NME7: variants seen among roughly 807,000 people sequenced by gnomAD.
NME7 encodes NME/NM23 family member 7, also known as nucleoside diphosphate kinase 7.
A neutral mutation model predicts 49.1 loss-of-function variants in NME7; 41 were observed. The ratio of observed to expected loss-of-function variants is 0.83; its 90% CI spans 0.65 to 1.08. The LOEUF (loss-of-function observed/expected upper bound fraction) is 1.08. Among genes scored for constraint, NME7 ranks in the 50% least tolerant of loss-of-function variants. NME7 has a pLI of 0.00. For missense variants in NME7, 423 were observed against 463.4 expected (o/e 0.91, Z 0.80); for synonymous variants, 139 against 150.6 (o/e 0.92, Z 0.56).
intron 10 of NME7, among the ~76,000 whole-genome samples, chr1:169,200,203 A>G (rs139503490): frequency 6.6e-6 from 1 of 152,212 alleles, no homozygotes; most frequent in Non-Finnish European, 1.5e-5. Context: ...CGTGATAAGC[A>G]ATACTCAATA....
At chr1:169,355,192 G>T (rs1309849642) in intron 1 of NME7, among the ~76,000 whole-genome samples, 28 of 25,510 alleles carry the variant, frequency 1.1e-3, no homozygotes, top group African/African-American at 3.4e-3. Context: ...ATATATTATA[G>T]ATATAATATA....
chr1:169,178,722 G>A (rs1208460452), intron 10 of NME7, among the ~76,000 whole-genome samples: 2 of 151,572 alleles, frequency 1.3e-5, no homozygotes, highest in Non-Finnish European at 2.9e-5. Flanking sequence ...CACTTAGTAA[G>A]TACCTTTTTG....
intron 1 of NME7, among the ~76,000 whole-genome samples, chr1:169,328,401 T>C (rs1430320643): frequency 1.3e-5 from 2 of 152,216 alleles, no homozygotes; most frequent in Non-Finnish European, 2.9e-5. Flanking sequence ...TGGTGGCTTA[T>C]AGGTCCACCT....
intron 10 of NME7, among the ~76,000 whole-genome samples, chr1:169,172,984 A>G (rs1361994559): frequency 6.6e-6 from 1 of 152,228 alleles, no homozygotes; most frequent in Non-Finnish European, 1.5e-5. Context: ...ATGAACACAC[A>G]GTAAATGTTT....
chr1:169,253,795 G>A (rs1648759115), intron 7 of NME7, among the ~76,000 whole-genome samples: 1 of 151,544 alleles, frequency 6.6e-6, no homozygotes. Context: ...TTTGTCAAAG[G>A]CTTTTTCTGC....
rs74474196 is a variant in NME7, at chr1:169,321,243, C to A, written c.278+1874G>T. On this transcript the variant is annotated intron_variant, in intron 3 of 11. Coordinates refer to ENST00000367811, the MANE Select transcript of NME7 (RefSeq NM_013330.5). ...GGAATAGTGGTGCATGGCTGTAGTTCCAGCTACCTGGGAGGCTTAGATGGG... is the reference window on the plus strand; with the variant it reads ...GGAATAGTGGTGCATGGCTGTAGTTACAGCTACCTGGGAGGCTTAGATGGG... 9.1e-3 allele frequency among the ~76,000 whole-genome samples: 1,387 copies of A among 152,190 alleles called. 32 individuals are homozygous for A. Among genetic ancestry groups the A allele is most frequent in the African/African-American group, 0.032 (1,327 of 41,508 alleles).
intron 11 of NME7, among the ~76,000 whole-genome samples, chr1:169,164,044 A>G (rs149279269): frequency 4.0e-5 from 6 of 150,758 alleles, no homozygotes; most frequent in Middle Eastern, 6.8e-3. Context: ...CGGGAAGCAG[A>G]GGTTGCAGTG....
At chr1:169,138,139 C>T (rs7520186) in intron 11 of NME7, among the ~76,000 whole-genome samples, 49,035 of 151,220 alleles carry the variant, frequency 0.32, 8,426 homozygotes, top group Non-Finnish European at 0.4. Flanking sequence ...GGCGAAACCT[C>T]GTTTCTACTA....
chr1:169,173,008 T>C (rs1659649132), intron 10 of NME7, among the ~76,000 whole-genome samples: 1 of 152,228 alleles, frequency 6.6e-6, no homozygotes, highest in East Asian at 1.9e-4. Flanking sequence ...AAATATTTGT[T>C]GACTGATATA....
intron 9 of NME7, among the ~76,000 whole-genome samples, chr1:169,232,897 C>G (rs569917168): frequency 1.3e-4 from 16 of 126,142 alleles, no homozygotes; most frequent in African/African-American, 4.4e-4. Context: ...TTTTTCCTTT[C>G]TGTTGTTTTC....
At chr1:169,340,206 G>T (rs1172652735) in intron 1 of NME7, among the ~76,000 whole-genome samples, 1 of 152,186 alleles carries the variant, frequency 6.6e-6, no homozygotes, top group Non-Finnish European at 1.5e-5. Context: ...AAGGTGATTG[G>T]ATTACAGGGG....
intron 10 of NME7, among the ~76,000 whole-genome samples, chr1:169,186,646 T>C (rs910965973): frequency 6.6e-6 from 1 of 152,110 alleles, no homozygotes; most frequent in African/African-American, 2.4e-5. Context: ...TCTATTTGAA[T>C]CTTCTTTTTT....
chr1:169,363,987 A>G (rs1488875037), intron 1 of NME7, among the ~76,000 whole-genome samples: 1 of 152,234 alleles, frequency 6.6e-6, no homozygotes, highest in African/African-American at 2.4e-5. Flanking sequence ...ATGCCATTGC[A>G]CAGGTCATAG....
chr1:169,274,242 C>T (rs1434875315), intron 7 of NME7, among the ~76,000 whole-genome samples: 1 of 133,456 alleles, frequency 7.5e-6, no homozygotes, highest in African/African-American at 2.5e-5. Flanking sequence ...TTTCATGTGT[C>T]TTTTGGCTGC....
At chr1:169,355,752 CA>C (rs201430094) in intron 1 of NME7, among the ~76,000 whole-genome samples, 3,795 of 152,086 alleles carry the variant, frequency 0.025, 130 homozygotes, top group African/African-American at 0.085. Flanking sequence ...CCAACTTCTT[CA>C]CTCTCTGTCT....
At chr1:169,169,099 C>T (rs1188812089) in intron 11 of NME7, 1 of 470,566 alleles carries the variant, frequency 2.1e-6, no homozygotes, top group African/African-American at 2.0e-5. Context: ...TCTTTGAAAG[C>T]TATGCAGCAT....
intron 11 of NME7, among the ~76,000 whole-genome samples, chr1:169,133,986 C>G (rs1327877394): frequency 1.3e-5 from 2 of 152,198 alleles, no homozygotes; most frequent in African/African-American, 4.8e-5. Flanking sequence ...TGTGTACTTT[C>G]TGTTCTAAGC....
intron 7 of NME7, among the ~76,000 whole-genome samples, chr1:169,262,630 C>T (rs1287393143): frequency 7.5e-6 from 1 of 132,810 alleles, no homozygotes; most frequent in African/African-American, 2.5e-5. Flanking sequence ...AAGCTGGGCA[C>T]CAGTCTGTCG....
At chr1:169,314,068 G>A (rs1651515353) in intron 3 of NME7, among the ~76,000 whole-genome samples, 1 of 106,496 alleles carries the variant, frequency 9.4e-6, no homozygotes. Flanking sequence ...TCAGATGAGT[G>A]CAAACTGAGT....
Sources: allele counts gnomAD v4.1 joint callset (sites outside exome capture counted in the v4.1 genomes callset), GRCh38; gene constraint gnomAD v4.1.1; transcripts MANE v1.5; gene names NCBI Gene and HGNC (gene_info 2026-07-23, HGNC 2026-07-21).